ROPN1L: variants seen among roughly 807,000 people sequenced by gnomAD.
ROPN1L encodes the protein rhophilin associated tail protein 1 like.
ROPN1L carries 23 observed loss-of-function variants against 22.7 expected under a neutral mutation model. That is an observed-to-expected ratio of 1.01 (90% confidence interval 0.73 to 1.43). The LOEUF is 1.43. Among genes scored for constraint, ROPN1L ranks in the 40% most tolerant of loss-of-function variants. The pLI is 0.00. For synonymous variants in ROPN1L, 116 were observed against 117.8 expected (o/e 0.98, Z 0.10); for missense variants, 271 against 291.5 (o/e 0.93, Z 0.51).
At chr5:10,452,287 ATG>A (rs762971211) in intron 3 of ROPN1L, among the ~76,000 whole-genome samples, 162 of 142,482 alleles carry the variant, frequency 1.1e-3, no homozygotes, top group East Asian at 2.9e-3. Context: ...CCTAAAGTAT[ATG>A]TGTGTGTGTG....
intron 2 of ROPN1L, 94 bp from the exon 3 acceptor site, chr5:10,449,858 G>T (rs1391138053): frequency 1.9e-6 from 2 of 1,043,924 alleles, no homozygotes; most frequent in Non-Finnish European, 2.8e-6. Flanking sequence ...CCTGCATGGG[G>T]CGGGTTACTT....
At chr5:10,470,484 G>A (rs1031697163) in intron 4 of ROPN1L, among the ~76,000 whole-genome samples, 3 of 152,164 alleles carry the variant, frequency 2.0e-5, no homozygotes, top group African/African-American at 7.2e-5. Flanking sequence ...AGCATTCCCC[G>A]TATCTGTCCC....
intron 3 of ROPN1L, among the ~76,000 whole-genome samples, chr5:10,456,155 A>G (rs955297136): frequency 6.6e-6 from 1 of 152,210 alleles, no homozygotes; most frequent in African/African-American, 2.4e-5. Context: ...CTCCACTTGA[A>G]TTTCAGATTA....
At chr5:10,451,754 G>A (rs909375926) in intron 3 of ROPN1L, among the ~76,000 whole-genome samples, 6 of 152,180 alleles carry the variant, frequency 3.9e-5, no homozygotes, top group African/African-American at 9.6e-5. Context: ...TGTCAGCCCC[G>A]GGCTAATTGT....
At chr5:10,463,531 GC>G (rs1356058525) in intron 4 of ROPN1L, among the ~76,000 whole-genome samples, 3 of 152,184 alleles carry the variant, frequency 2.0e-5, no homozygotes, top group Non-Finnish European at 4.4e-5. Context: ...CCAGGCTCCA[GC>G]CCCAAGGGAG....
Position 10,441,980 on chromosome 5 carries a change from C to A in ROPN1L, c.-188C>A. The A allele has an allele frequency of 1.4e-6, 1 of 704,018 alleles. No individual in the cohort carries two copies. Among genetic ancestry groups the A allele is most frequent in the Non-Finnish European group, 2.3e-6 (1 of 437,134 alleles). The allele number at this position is 704,018 out of a possible 1,614,324, so 43.6% of individuals were successfully genotyped here. On this transcript the variant is annotated 5_prime_UTR_variant, in exon 1 of 5. Transcript: ENST00000274134. ...TCGGAGTGGCAGTTGGTCCGAATTT[C>A]TCCCGAAGCCCGCGGAGGAGCGGGT...
chr5:10,448,396 G>A lies in ROPN1L; in HGVS notation c.255+13G>A, dbSNP rs377281171. 1.4e-4 allele frequency: 223 copies of A among 1,613,636 alleles called. No homozygotes were observed. Among genetic ancestry groups the A allele is most frequent in the African/African-American group, 1.2e-3 (87 of 75,020 alleles). On this transcript the variant is annotated intron_variant, in intron 2 of 4. Coordinates refer to ENST00000274134, the MANE Select transcript of ROPN1L (RefSeq NM_031916.5). ...TTTGCACAAGCAGGTATGGGGGGGCGTAGTCTCTGGCCTCAGGCAGCTGGC... is the reference window on the plus strand; with the variant it reads ...TTTGCACAAGCAGGTATGGGGGGGCATAGTCTCTGGCCTCAGGCAGCTGGC...
Position 10,448,317 on chromosome 5 carries a change from G to A in ROPN1L, c.189G>A (p.Met63Ile), listed in dbSNP as rs1354543661. ...DPLPVKDRME[M>I]PTATQKTDTG... ...TTCCTGTAAAGGACAGAATGGAAATGCCCACGGCAACCCAGAAAACAGACA... is the reference window on the plus strand; with the variant it reads ...TTCCTGTAAAGGACAGAATGGAAATACCCACGGCAACCCAGAAAACAGACA... The change falls in exon 2 of 5, where the codon ATG (methionine) becomes ATA (isoleucine). Residue 63 changes from methionine to isoleucine, a missense_variant. Met to Ile is a conservative substitution (Grantham distance 10). Coordinates refer to ENST00000274134, the MANE Select transcript of ROPN1L (RefSeq NM_031916.5). 1 of 1,614,200 alleles carries A rather than the reference G, an allele frequency of 6.2e-7. No individual in the cohort carries two copies.
the ROPN1L span, among the ~76,000 whole-genome samples, chr5:10,481,595 A>G: frequency 6.6e-6 from 1 of 152,234 alleles, no homozygotes; most frequent in Non-Finnish European, 1.5e-5. Flanking sequence ...AAGGTCCCAG[A>G]TATCAAAGCA....
intron 4 of ROPN1L, among the ~76,000 whole-genome samples, chr5:10,462,968 C>T (rs180914835): frequency 2.2e-4 from 34 of 152,242 alleles, no homozygotes; most frequent in African/African-American, 7.7e-4. Context: ...CACAATGAAA[C>T]GTAGACATGG....
chr5:10,477,854 C>T, the ROPN1L span, among the ~76,000 whole-genome samples: 6 of 152,188 alleles, frequency 3.9e-5, no homozygotes, highest in Non-Finnish European at 5.9e-5. Context: ...CACTTGAGCC[C>T]GGGAGGCAGA....
chr5:10,452,737 A>G (rs1741297420), intron 3 of ROPN1L, among the ~76,000 whole-genome samples: 1 of 152,238 alleles, frequency 6.6e-6, no homozygotes, highest in South Asian at 2.1e-4. Context: ...TGATTTTAAA[A>G]TGATGAGAAA....
intron 1 of ROPN1L, among the ~76,000 whole-genome samples, chr5:10,447,147 G>A (rs188995632): frequency 9.2e-5 from 14 of 152,284 alleles, no homozygotes; most frequent in African/African-American, 3.4e-4. Context: ...TGGATGCTTT[G>A]ATGTTCATTT....
chr5:10,442,267 C>T lies in ROPN1L; in HGVS notation c.100C>T (p.Gln34Ter). The T allele has an allele frequency of 6.2e-6, 10 of 1,613,696 alleles. No individual in the cohort carries two copies. Among genetic ancestry groups the T allele is most frequent in the Non-Finnish European group, 8.5e-6 (10 of 1,179,898 alleles). The change falls in exon 1 of 5, where the codon CAG becomes TAG. Residue 34 changes from glutamine (Q) to a stop codon, truncating the protein, a stop_gained. Transcript: ENST00000274134. LOFTEE classifies it high-confidence loss of function. ...ATTCACCAAGGCTGCCATCCGCACC[C>T]AGCCGGCCGACGTGCTGCGGTGGTC... The part of the protein sequence containing the change: ...KQFTKAAIRT[Q>*]PADVLRWSAG...
chr5:10,475,413 T>G (rs984311731), downstream of ROPN1L, among the ~76,000 whole-genome samples: 8 of 152,212 alleles, frequency 5.3e-5, no homozygotes, highest in African/African-American at 1.9e-4. Flanking sequence ...TATATAAAAC[T>G]TTCCCTGTTC....
rs368896778 is a variant in ROPN1L at position 10,459,318 on chromosome 5, CGCCTTCCACCCTCATCACTGGGTTCCT to C, written c.418-1840_418-1814del. ...CCTTCCACCCTCCTCACCGGGTTCC[CGCCTTCCACCCTCATCACTGGGTTCCT>C]GCCTTCCACCCTCATCACTGGGTTC... On this transcript the variant is annotated intron_variant, in intron 3 of 4. Coordinates refer to ENST00000274134, the MANE Select transcript of ROPN1L (RefSeq NM_031916.5). 5.0e-4 allele frequency among the ~76,000 whole-genome samples: 74 copies of C among 149,122 alleles called. 1 individual carries two copies. In the East Asian group the frequency reaches 8.2e-3, roughly 17 times the overall value.
chr5:10,458,614 C>T (rs1579652845), intron 3 of ROPN1L, among the ~76,000 whole-genome samples: 1 of 75,832 alleles, frequency 1.3e-5, no homozygotes. Flanking sequence ...CCGTCCCCAC[C>T]ATGTACATCA....
Position 10,452,317 on chromosome 5 carries a change from G to C in ROPN1L, c.417+2204G>C, listed in dbSNP as rs1467022264. 5.9e-3 allele frequency among the ~76,000 whole-genome samples: 842 copies of C among 142,416 alleles called. 7 individuals are homozygous for C. Among genetic ancestry groups the C allele is most frequent in the African/African-American group, 0.022 (783 of 35,746 alleles). 93.4% of individuals were successfully genotyped at this position (142,416 alleles called of 152,430 possible). A position where few individuals can be genotyped will look rare whatever the true frequency, so the allele number is the denominator to read the frequency against. Reference sequence around the variant, plus strand: ...TGTGTGTGTGTGTGTGTGTGTGTCTGTGTGTGTGTGTGTGTGTGTGTGTAT... The same window carrying C: ...TGTGTGTGTGTGTGTGTGTGTGTCTCTGTGTGTGTGTGTGTGTGTGTGTAT... On this transcript the variant is annotated intron_variant, in intron 3 of 4. Transcript: ENST00000274134.
At chr5:10,442,429 C>G in intron 1 of ROPN1L, 131 bp downstream of exon 1, 1 of 1,136,370 alleles carries the variant, frequency 8.8e-7, no homozygotes, top group Non-Finnish European at 1.2e-6. Context: ...AAAACTTTCC[C>G]CTTAGCATTG....
Sources: allele counts gnomAD v4.1 joint callset (sites outside exome capture counted in the v4.1 genomes callset), GRCh38; gene constraint gnomAD v4.1.1; transcripts MANE v1.5; gene names NCBI Gene and HGNC (gene_info 2026-07-23, HGNC 2026-07-21).